Variants in NARS2 observed in about 807,000 individuals in gnomAD.
NARS2 encodes asparaginyl-tRNA synthetase.
In NARS2, 60 loss-of-function variants were observed where a neutral mutation model predicts 62.9. That is an observed-to-expected ratio of 0.95 (90% CI 0.77 to 1.18). The LOEUF (loss-of-function observed/expected upper bound fraction) is 1.18, where lower values mean the gene tolerates loss of function less well. Among genes scored for constraint, NARS2 ranks in the 50% most tolerant of loss-of-function variants. NARS2 has a pLI of 0.00. For synonymous variants in NARS2, 196 were observed against 200.0 expected (o/e 0.98, Z 0.17); for missense variants, 619 against 576.4 (o/e 1.07, Z -0.76).
At chr11:78,471,517 TATC>T (rs1490656974) in intron 9 of NARS2, among the ~76,000 whole-genome samples, 1 of 145,182 alleles carries the variant, frequency 6.9e-6, no homozygotes, top group Non-Finnish European at 1.5e-5. Context: ...GAGATTGAAC[TATC>T]TTTTTTTTTC....
chr11:78,470,119 G>C (rs1858806328), intron 9 of NARS2, among the ~76,000 whole-genome samples: 1 of 152,132 alleles, frequency 6.6e-6, no homozygotes, highest in Non-Finnish European at 1.5e-5. Flanking sequence ...AAATTACATA[G>C]GAAAGGCAGT....
At chr11:78,486,003 T>G (rs1859557747) in intron 7 of NARS2, among the ~76,000 whole-genome samples, 1 of 152,100 alleles carries the variant, frequency 6.6e-6, no homozygotes. Context: ...GCCTCCCAAG[T>G]AGCTCGGATT....
At chr11:78,486,883 G>A (rs1452651405) in intron 7 of NARS2, among the ~76,000 whole-genome samples, 1 of 151,928 alleles carries the variant, frequency 6.6e-6, no homozygotes, top group Non-Finnish European at 1.5e-5. Context: ...GAGAAAGACT[G>A]AACTTCTCAG....
chr11:78,457,749 G>A (rs116745176), intron 11 of NARS2, among the ~76,000 whole-genome samples: 1,639 of 151,810 alleles, frequency 0.011, 35 homozygotes, highest in African/African-American at 0.039. Flanking sequence ...TTGTGAGTGC[G>A]ATCTATGAGA....
intron 6 of NARS2, among the ~76,000 whole-genome samples, chr11:78,514,855 C>G (rs960995507): frequency 2.6e-5 from 4 of 152,100 alleles, no homozygotes; most frequent in African/African-American, 9.7e-5. Flanking sequence ...TATAACCTAA[C>G]TAGCAATTAA....
chr11:78,571,732 T>C lies in NARS2; in HGVS notation c.142-288A>G, dbSNP rs1270334221. On this transcript the variant is annotated intron_variant, in intron 1 of 13. Transcript: ENST00000281038. ...TAATTCATATAATCAATCCTCCCAA[T>C]ATTGGCAATTCCAGGTATTTCCTCC... The C allele has an allele frequency of 3.9e-5, 10 of 255,210 alleles. No individual in the cohort carries two copies. The Admixed American group carries it at 4.9e-4, about 12-fold the overall frequency. The allele number at this position is 255,210 out of a possible 1,614,324, so 15.8% of individuals were successfully genotyped here.
At chr11:78,513,498 C>T (rs927844434) in intron 6 of NARS2, among the ~76,000 whole-genome samples, 2 of 152,062 alleles carry the variant, frequency 1.3e-5, no homozygotes, top group African/African-American at 4.8e-5. Flanking sequence ...AACACGTGGG[C>T]CGGGTGCGGT....
intron 5 of NARS2, among the ~76,000 whole-genome samples, chr11:78,548,443 T>G (rs540851542): frequency 3.3e-5 from 5 of 152,190 alleles, no homozygotes; most frequent in Admixed American, 6.5e-5. Context: ...AACTTAGTCA[T>G]AAAAATGTAT....
chr11:78,489,399 C>T (rs560913163), intron 7 of NARS2, among the ~76,000 whole-genome samples: 11 of 152,238 alleles, frequency 7.2e-5, no homozygotes, highest in African/African-American at 2.4e-4. Flanking sequence ...TAATACACAG[C>T]TCTTAGAATG....
At chr11:78,512,887 G>A (rs1051752787) in intron 6 of NARS2, among the ~76,000 whole-genome samples, 2 of 151,952 alleles carry the variant, frequency 1.3e-5, no homozygotes, top group Non-Finnish European at 2.9e-5. Context: ...CGGAATATTG[G>A]GTATCCATTT....
chr11:78,459,552 G>C (rs1000509088), intron 11 of NARS2, among the ~76,000 whole-genome samples: 4 of 152,154 alleles, frequency 2.6e-5, no homozygotes, highest in African/African-American at 9.7e-5. Context: ...TTACAGGAGT[G>C]AGCCACCGCG....
At chr11:78,506,977 C>T (rs976412796) in intron 6 of NARS2, among the ~76,000 whole-genome samples, 2 of 152,114 alleles carry the variant, frequency 1.3e-5, no homozygotes, top group African/African-American at 4.8e-5. Context: ...CTCTCCCAGC[C>T]CTGAGGGAGG....
chr11:78,554,075 CTT>C (rs1856235744), intron 5 of NARS2, among the ~76,000 whole-genome samples: 1 of 152,088 alleles, frequency 6.6e-6, no homozygotes, highest in African/African-American at 2.4e-5. Flanking sequence ...TTTCTGGACT[CTT>C]TATTTTGTTC....
chr11:78,571,482 A>G, intron 1 of NARS2, 38 bp from the exon 2 acceptor site: 1 of 1,453,632 alleles, frequency 6.9e-7, no homozygotes, highest in Non-Finnish European at 9.6e-7. Context: ...AGCGTAAAAC[A>G]TTTTACGTTT....
intron 6 of NARS2, among the ~76,000 whole-genome samples, chr11:78,513,607 G>A (rs1414182949): frequency 6.6e-6 from 1 of 151,932 alleles, no homozygotes; most frequent in African/African-American, 2.4e-5. Flanking sequence ...GTAAAACCAC[G>A]TCTCTACTAA....
Position 78,478,512 on chromosome 11 carries a change from T to C in NARS2, c.922-37A>G, listed in dbSNP as rs4944202. On this transcript the variant is annotated intron_variant, in intron 8 of 13. Transcript: ENST00000281038. ...GACAAAAAAGAAAATTTTAAAAATA[T>C]AATTTTATTCATTATGTATAATTAA... is the stretch of plus-strand genomic sequence containing the variant. 259,927 of 1,234,096 alleles carry C rather than the reference T, an allele frequency of 0.21. 30,339 individuals are homozygous for C. Among genetic ancestry groups the C allele is most frequent in the East Asian group, 0.41 (15,594 of 38,046 alleles). The allele number at this position is 1,234,096 out of a possible 1,614,324, so 76.4% of individuals were successfully genotyped here.
chr11:78,501,023 T>C (rs1263861742), intron 6 of NARS2, among the ~76,000 whole-genome samples: 1 of 151,862 alleles, frequency 6.6e-6, no homozygotes, highest in Non-Finnish European at 1.5e-5. Context: ...GCCTGGGAGG[T>C]TGAGGCTGCA....
At chr11:78,501,561 C>T (rs1464991835) in intron 6 of NARS2, among the ~76,000 whole-genome samples, 5 of 152,062 alleles carry the variant, frequency 3.3e-5, no homozygotes, top group African/African-American at 4.8e-5. Flanking sequence ...GTCCTGGTCA[C>T]GGATATATTT....
chr11:78,554,683 G>A (rs1042448389), intron 5 of NARS2, among the ~76,000 whole-genome samples: 1 of 152,140 alleles, frequency 6.6e-6, no homozygotes, highest in African/African-American at 2.4e-5. Context: ...TGAGGCTATG[G>A]CATTCTCTAG....
Sources: allele counts gnomAD v4.1 joint callset (sites outside exome capture counted in the v4.1 genomes callset), GRCh38; gene constraint gnomAD v4.1.1; transcripts MANE v1.5; gene names NCBI Gene and HGNC (gene_info 2026-07-23, HGNC 2026-07-21).